FGFRL1: variants seen among roughly 807,000 people sequenced by gnomAD.
FGFRL1 encodes fibroblast growth factor receptor-like 1.
FGFRL1 carries 24 observed loss-of-function variants against 36.8 expected under a neutral mutation model. The observed-to-expected ratio is 0.65, with a 90% CI of 0.47 to 0.92. The LOEUF (loss-of-function observed/expected upper bound fraction) is 0.92. Among genes scored for constraint, FGFRL1 ranks in the 40% least tolerant of loss-of-function variants. FGFRL1 has a pLI of 0.00. For synonymous variants in FGFRL1, 422 were observed against 344.1 expected (o/e 1.23, Z -2.50); for missense variants, 785 against 753.4 (o/e 1.04, Z -0.49).
At position 1,026,722 on chromosome 4, in the gene FGFRL1, CGGGACCCGCCT is replaced by C. The variant is rs2153027904; in HGVS notation, c.*1378_*1388del. ...AGGGACTGTGGTCTCTCCTGGGGCCCGGGACCCGCCTGGTCTTTCAGCCATGCTGATGACCA... is the reference window on the plus strand; with the variant it reads ...AGGGACTGTGGTCTCTCCTGGGGCCCGGTCTTTCAGCCATGCTGATGACCA... On this transcript the variant is annotated 3_prime_UTR_variant, in exon 7 of 7. Coordinates refer to ENST00000510644, the MANE Select transcript of FGFRL1 (RefSeq NM_001004356.3). The C allele has an allele frequency of 2.5e-6, 1 of 396,664 alleles. No homozygotes were observed. Among genetic ancestry groups the C allele is most frequent in the African/African-American group, 2.1e-5 (1 of 47,686 alleles). 24.6% of individuals were successfully genotyped at this position (396,664 alleles called of 1,614,324 possible).
At chr4:1,016,754 C>CA (rs1322049195) in intron 2 of FGFRL1, among the ~76,000 whole-genome samples, 1 of 152,088 alleles carries the variant, frequency 6.6e-6, no homozygotes, top group Non-Finnish European at 1.5e-5. Flanking sequence ...CATGTATGTG[C>CA]CTGAGCGTCC....
At chr4:1,024,243 C>A in intron 5 of FGFRL1, 68 bp from the exon 6 acceptor site, 1 of 1,500,352 alleles carries the variant, frequency 6.7e-7, no homozygotes, top group Non-Finnish European at 8.9e-7. Context: ...TGCTGGTGGG[C>A]CCAGGGTGCT....
upstream of FGFRL1, chr4:1,010,942 G>A (rs1443482636): frequency 6.6e-6 from 1 of 152,276 alleles, no homozygotes; most frequent in Non-Finnish European, 1.5e-5. Context: ...AGGCTGGGAG[G>A]CCTCAGGTGG....
At chr4:1,013,267 G>C (rs1030244642) in intron 2 of FGFRL1, among the ~76,000 whole-genome samples, 7 of 152,368 alleles carry the variant, frequency 4.6e-5, no homozygotes, top group Admixed American at 4.6e-4. Context: ...GATGGGTGAC[G>C]TGTGCCCGCA....
Position 1,022,207 on chromosome 4 carries a change from C to G in FGFRL1, c.84C>G (p.Pro28=), listed in dbSNP as rs776762633. 1.3e-6 allele frequency: 2 copies of G among 1,531,266 alleles called. No homozygotes were observed. Among genetic ancestry groups the G allele is most frequent in the Non-Finnish European group, 1.8e-6 (2 of 1,136,612 alleles). 94.9% of individuals were successfully genotyped at this position (1,531,266 alleles called of 1,614,324 possible). A position where few individuals can be genotyped will look rare whatever the true frequency, so the allele number is the denominator to read the frequency against. ...AFPPAAAARG[P]PKMADKVVPR... is the part of the protein sequence containing the mutation. ...GTTCCTCGGTCCCACCCGCAGGCCC[C>G]CCAAAGATGGCGGACAAGGTGGTCC... Residue 28 remains proline, a synonymous_variant, in exon 3 of 7, where the codon CCC becomes CCG. Coordinates refer to ENST00000510644, the MANE Select transcript of FGFRL1 (RefSeq NM_001004356.3).
At chr4:1,020,244 C>T (rs901080069) in intron 2 of FGFRL1, among the ~76,000 whole-genome samples, 1 of 152,210 alleles carries the variant, frequency 6.6e-6, no homozygotes, top group South Asian at 2.1e-4. Context: ...CTGCACGCAG[C>T]CTGGACGCTC....
At chr4:1,010,678 C>G (rs1282152730), upstream of FGFRL1, among the ~76,000 whole-genome samples, 2 of 152,104 alleles carry the variant, frequency 1.3e-5, no homozygotes, top group Non-Finnish European at 2.9e-5. Context: ...TGTTGCAAGA[C>G]TGGGAGGCAG....
At position 1,024,590 on chromosome 4, in the gene FGFRL1, C is replaced by G. The variant is rs756543798; in HGVS notation, c.998C>G (p.Ala333Gly). ...LLITRARQDD[A>G]GMYICLGANT... ...ATCACCCGTGCCCGCCAGGACGATG[C>G]GGGCATGTACATCTGCCTTGGCGCC... is the stretch of plus-strand genomic sequence containing the variant. The change falls in exon 6 of 7, where the codon GCG (alanine) becomes GGG (glycine). Residue 333 changes from alanine to glycine, a missense_variant. Ala to Gly is a moderately conservative substitution (Grantham distance 60, BLOSUM62 0). Coordinates refer to ENST00000510644, the MANE Select transcript of FGFRL1 (RefSeq NM_001004356.3). The G allele has an allele frequency of 6.2e-7, 1 of 1,612,138 alleles. No homozygotes were observed. Among genetic ancestry groups the G allele is most frequent in the Non-Finnish European group, 8.5e-7 (1 of 1,179,792 alleles).
rs1190117792 is a variant in FGFRL1 at position 1,026,462 on chromosome 4, G to C, written c.*1115G>C. ...CGCCTCAGTCCCCGCCTCCATCCCC[G>C]CCTCTGTCCCCTGGCCTTGGCGGCT... On this transcript the variant is annotated 3_prime_UTR_variant, in exon 7 of 7. Coordinates refer to ENST00000510644, the MANE Select transcript of FGFRL1 (RefSeq NM_001004356.3). The C allele has an allele frequency of 6.2e-6, 1 of 162,382 alleles. No homozygotes were observed. Among genetic ancestry groups the C allele is most frequent in the Non-Finnish European group, 1.3e-5 (1 of 74,770 alleles). 10.1% of individuals were successfully genotyped at this position (162,382 alleles called of 1,614,324 possible).
Position 1,026,888 on chromosome 4 carries a change from C to G in FGFRL1, c.*1541C>G, listed in dbSNP as rs1009987697. ...ATTTTGTTAAACATGAAAGTGCATC[C>G]TTTCCCTCCAGGCTGGTGTTTCTGC... On this transcript the variant is annotated 3_prime_UTR_variant, in exon 7 of 7. Coordinates refer to ENST00000510644, the MANE Select transcript of FGFRL1 (RefSeq NM_001004356.3). 1 of 449,702 alleles carries G rather than the reference C, an allele frequency of 2.2e-6. No individual in the cohort carries two copies. The highest frequency in any genetic ancestry group is 4.5e-6 in the Non-Finnish European group (1 of 224,206). The allele number at this position is 449,702 out of a possible 1,614,324, so 27.9% of individuals were successfully genotyped here.
upstream of FGFRL1, among the ~76,000 whole-genome samples, chr4:1,010,461 C>G (rs1475595886): frequency 6.6e-6 from 1 of 152,218 alleles, no homozygotes; most frequent in Non-Finnish European, 1.5e-5. Flanking sequence ...ACAGCTGGCG[C>G]CCCCCACGCC....
chr4:1,023,957 A>G lies in FGFRL1; in HGVS notation c.574A>G (p.Thr192Ala). Residue 192 changes from threonine (T) to alanine (A), a missense_variant, in exon 5 of 7, where the codon ACG (threonine) becomes GCG (alanine). By Grantham distance (58) the Thr-to-Ala change is moderately conservative (BLOSUM62 0). Transcript: ENST00000510644. This position sits in a 1 kb window ranked among gnomAD's most constrained non-coding sequence, Gnocchi z 6.0. ...ITWMKDDQALTRPEAAEPRKK... is the reference protein window; with the variant it reads ...ITWMKDDQALARPEAAEPRKK... ...GTGGATGAAGGACGACCAGGCCTTGACGCGCCCAGAGGCCGCTGAGCCCAG... is the reference window on the plus strand; with the variant it reads ...GTGGATGAAGGACGACCAGGCCTTGGCGCGCCCAGAGGCCGCTGAGCCCAG... 2 of 1,594,348 alleles carry G rather than the reference A, an allele frequency of 1.3e-6. No homozygotes were observed. Among genetic ancestry groups the G allele is most frequent in the Non-Finnish European group, 1.7e-6 (2 of 1,173,298 alleles).
chr4:1,015,359 G>T (rs1213058544), intron 2 of FGFRL1, among the ~76,000 whole-genome samples: 1 of 152,174 alleles, frequency 6.6e-6, no homozygotes, highest in Non-Finnish European at 1.5e-5. Flanking sequence ...CTCCCTGGCG[G>T]CCATCCCTGG....
intron 2 of FGFRL1, among the ~76,000 whole-genome samples, chr4:1,017,320 G>A (rs951520385): frequency 8.5e-5 from 13 of 152,152 alleles, no homozygotes; most frequent in Non-Finnish European, 1.8e-4. Flanking sequence ...TCCTCCATGC[G>A]GGAACTTGGG....
At chr4:1,015,540 C>T (rs1389371476) in intron 2 of FGFRL1, among the ~76,000 whole-genome samples, 7 of 152,220 alleles carry the variant, frequency 4.6e-5, no homozygotes, top group African/African-American at 7.2e-5. Flanking sequence ...GGGTACCAGT[C>T]CCCTTGGAGC....
Position 1,025,220 on chromosome 4 carries a change from G to A in FGFRL1, c.1388G>A (p.Gly463Asp). 6.2e-7 allele frequency: 1 copy of A among 1,609,740 alleles called. No homozygotes were observed. Among genetic ancestry groups the A allele is most frequent in the African/African-American group, 1.3e-5 (1 of 74,978 alleles). ...PAAPQHLLGP[G>D]PVAGPKLYPK... ...GCCCCCCAGCACTTACTGGGCCCAG[G>A]CCCAGTTGCTGGCCCTAAGTTGTAC... is the stretch of plus-strand genomic sequence containing the variant. Residue 463 changes from glycine to aspartate, a missense_variant, in exon 7 of 7, where the codon GGC (glycine) becomes GAC (aspartate). Coordinates refer to ENST00000510644, the MANE Select transcript of FGFRL1 (RefSeq NM_001004356.3).
At chr4:1,020,162 C>A (rs573915753) in intron 2 of FGFRL1, among the ~76,000 whole-genome samples, 7 of 152,340 alleles carry the variant, frequency 4.6e-5, no homozygotes, top group African/African-American at 1.7e-4. Context: ...CCACTGTTAA[C>A]TGTGTATTGG....
chr4:1,016,302 G>A (rs1715883548), intron 2 of FGFRL1, among the ~76,000 whole-genome samples: 1 of 152,098 alleles, frequency 6.6e-6, no homozygotes, highest in Admixed American at 6.5e-5. Context: ...GGGGAGTTCC[G>A]GGCAGGGGAG....
At position 1,014,243 on chromosome 4, in the gene FGFRL1, C is replaced by T. The variant is rs148944100; in HGVS notation, c.79+1679C>T. Among the ~76,000 whole-genome samples, 502 of 152,058 alleles carry T rather than the reference C, an allele frequency of 3.3e-3. 4 individuals carry two copies. Among genetic ancestry groups the T allele is most frequent in the African/African-American group, 0.011 (447 of 41,498 alleles). The stretch of plus-strand genomic sequence containing the variant: ...AAAAGTTCCTCTTTTCCCAAACTTT[C>T]ACAATCTTGGTGGATTTGTCTTAAA... On this transcript the variant is annotated intron_variant, in intron 2 of 6. Transcript: ENST00000510644.
Sources: gnomAD v4.1 joint callset for allele counts (sites outside exome capture counted in the v4.1 genomes callset) on GRCh38, gnomAD v4.1.1 for gene constraint, Gnocchi (gnomAD v3.1) non-coding constraint, MANE v1.5 for transcripts, NCBI Gene and HGNC (gene_info 2026-07-23, HGNC 2026-07-21) for gene names.